MANSC4: variants seen among roughly 807,000 people sequenced by gnomAD.
The protein encoded by MANSC4 is MANSC domain containing 4, also known as MANSC domain-containing protein 4.
Under a neutral mutation model 11.4 loss-of-function variants are expected in MANSC4, and 11 were observed. That is an observed-to-expected ratio of 0.97 (90% confidence interval 0.61 to 1.60). MANSC4 has a LOEUF of 1.60. MANSC4 is among the 40% of genes most tolerant of loss of function. MANSC4 has a pLI of 0.00. For synonymous variants in MANSC4, 123 were observed against 147.1 expected, an observed-to-expected ratio of 0.84 and a Z score of 1.19; for missense variants, 354 against 404.6, an observed-to-expected ratio of 0.88 and a Z score of 1.07.
intron 1 of MANSC4, among the ~76,000 whole-genome samples, chr12:27,778,825 G>A (rs979398214): frequency 6.6e-6 from 1 of 152,098 alleles, no homozygotes; most frequent in African/African-American, 2.4e-5. Context: ...ATTATTTGGG[G>A]TGGGCCTTCT....
intron 3 of MANSC4, among the ~76,000 whole-genome samples, chr12:27,766,073 CTT>C (rs36071035): frequency 2.8e-5 from 4 of 143,330 alleles, no homozygotes; most frequent in African/African-American, 2.5e-5. Context: ...ACCACAGGAC[CTT>C]TTTTTTTTTT....
At chr12:27,763,438 C>G (rs2062057573) in intron 3 of MANSC4, 42 bp from the exon 4 acceptor site, 1 of 1,489,532 alleles carries the variant, frequency 6.7e-7, no homozygotes, top group Non-Finnish European at 8.9e-7. Flanking sequence ...TTTTTACTTT[C>G]AAAGCAAAAA....
chr12:27,777,851 G>A (rs962256403), intron 1 of MANSC4, among the ~76,000 whole-genome samples: 12 of 152,078 alleles, frequency 7.9e-5, no homozygotes, highest in Non-Finnish European at 1.3e-4. Context: ...ATCACTTGGG[G>A]TGGCAGGATC....
chr12:27,769,368 A>G (rs560219963), intron 2 of MANSC4, among the ~76,000 whole-genome samples: 13 of 152,334 alleles, frequency 8.5e-5, no homozygotes, highest in African/African-American at 2.9e-4. Context: ...TATGGCTTCC[A>G]GCTAAAAACT....
At chr12:27,778,081 C>T (rs931524206) in intron 1 of MANSC4, among the ~76,000 whole-genome samples, 2 of 151,760 alleles carry the variant, frequency 1.3e-5, no homozygotes, top group Non-Finnish European at 2.9e-5. Flanking sequence ...CAAAATTAGC[C>T]GGGTGTGGTG....
At chr12:27,777,880 G>A (rs1205144004) in intron 1 of MANSC4, among the ~76,000 whole-genome samples, 1 of 151,988 alleles carries the variant, frequency 6.6e-6, no homozygotes, top group Non-Finnish European at 1.5e-5. Context: ...CCAGGAGTTT[G>A]AGGTCTGTCT....
intron 1 of MANSC4, among the ~76,000 whole-genome samples, chr12:27,771,802 G>A (rs1285391971): frequency 1.3e-5 from 2 of 152,040 alleles, no homozygotes; most frequent in Admixed American, 1.3e-4. Context: ...AAATCATCTC[G>A]ATTTCTTTGA....
rs369127984 is a variant in MANSC4 at position 27,778,568 on chromosome 12, A to T, written c.-307+1642T>A. The stretch of plus-strand genomic sequence containing the variant: ...AGAAAGCTGAAGCTTGTAATAATAA[A>T]AAAAAAAACCAAACACATATTCTCT... On this transcript the variant is annotated intron_variant, in intron 1 of 3. Coordinates refer to ENST00000381273, the MANE Select transcript of MANSC4 (RefSeq NM_001146221.5). Among the ~76,000 whole-genome samples, 732 of 151,942 alleles carry T rather than the reference A, an allele frequency of 4.8e-3. 6 individuals are homozygous for T. Among genetic ancestry groups the T allele is most frequent in the African/African-American group, 0.016 (678 of 41,536 alleles).
intron 2 of MANSC4, among the ~76,000 whole-genome samples, chr12:27,768,574 TCTA>T (rs2062084895): frequency 6.6e-6 from 1 of 151,910 alleles, no homozygotes; most frequent in Admixed American, 6.6e-5. Flanking sequence ...CAACATAGAT[TCTA>T]CTTCTGCTGC....
intron 1 of MANSC4, among the ~76,000 whole-genome samples, chr12:27,775,146 T>C (rs1365884513): frequency 6.6e-6 from 1 of 152,148 alleles, no homozygotes; most frequent in East Asian, 1.9e-4. Flanking sequence ...GTCTGGGGAT[T>C]TGGTTATTAT....
intron 2 of MANSC4, among the ~76,000 whole-genome samples, chr12:27,767,687 A>G (rs774248066): frequency 6.6e-6 from 1 of 152,056 alleles, no homozygotes. Context: ...ACAAGAGCGA[A>G]ACTCCGTCTC....
intron 2 of MANSC4, among the ~76,000 whole-genome samples, chr12:27,768,418 AAAAAGAAAAAGAAAAAG>A (rs2062083893): frequency 8.5e-6 from 1 of 117,116 alleles, no homozygotes; most frequent in African/African-American, 3.0e-5. Flanking sequence ...AAAAAAAAAA[AAAAAGAAAAAGAAAAAG>A]AAAAAGAAAA....
chr12:27,767,336 C>T (rs1048053545), intron 2 of MANSC4, among the ~76,000 whole-genome samples: 1 of 152,144 alleles, frequency 6.6e-6, no homozygotes, highest in African/African-American at 2.4e-5. Flanking sequence ...TTCCATCCCA[C>T]ACAGGATATT....
chr12:27,778,300 A>G (rs1414315649), intron 1 of MANSC4, among the ~76,000 whole-genome samples: 1 of 152,096 alleles, frequency 6.6e-6, no homozygotes, highest in South Asian at 2.1e-4. Context: ...ATAATAATAA[A>G]CAAAGTAAAA....
intron 3 of MANSC4, 48 bp from the exon 4 acceptor site, chr12:27,763,444 A>G: frequency 6.7e-7 from 1 of 1,481,496 alleles, no homozygotes; most frequent in Non-Finnish European, 9.0e-7. Flanking sequence ...CTTTCAAAGC[A>G]AAAACCCTAA....
chr12:27,777,441 C>T (rs559742445), intron 1 of MANSC4, among the ~76,000 whole-genome samples: 1 of 152,272 alleles, frequency 6.6e-6, no homozygotes, highest in South Asian at 2.1e-4. Flanking sequence ...CAGCAAAATT[C>T]CCCAGCCTGA....
chr12:27,779,768 G>C (rs978368010), intron 1 of MANSC4: 1 of 152,202 alleles, frequency 6.6e-6, no homozygotes, highest in African/African-American at 2.4e-5. Context: ...GAGAGAAAAC[G>C]AATTTCTTCT....
rs1034442901 is a variant in MANSC4, at chr12:27,766,789, G to T, written c.240C>A (p.Asn80Lys). The change falls in exon 3 of 4, where the codon AAC (asparagine) becomes AAA (lysine). Residue 80 changes from asparagine to lysine, a missense_variant. Asn to Lys is a moderately conservative substitution (Grantham distance 94). Transcript: ENST00000381273. ...SCCLRKDVSC[N>K]LAVFYHSPIH... is the part of the protein sequence containing the mutation. ...TAGGACTGTGGTAGAAGACAGCCAG[G>T]TTACAGGAAACTGAAAGGGAAACAA... 1 of 1,550,668 alleles carries T rather than the reference G, an allele frequency of 6.4e-7. No homozygotes were observed. Among genetic ancestry groups the T allele is most frequent in the East Asian group, 2.4e-5 (1 of 40,922 alleles).
intron 1 of MANSC4, among the ~76,000 whole-genome samples, chr12:27,773,211 G>A (rs2062107337): frequency 6.6e-6 from 1 of 152,208 alleles, no homozygotes; most frequent in Non-Finnish European, 1.5e-5. Context: ...GCAGGGGCTG[G>A]TGCTATTAAG....
Sources: allele counts gnomAD v4.1 joint callset (sites outside exome capture counted in the v4.1 genomes callset), GRCh38; gene constraint gnomAD v4.1.1; transcripts MANE v1.5; gene names NCBI Gene and HGNC (gene_info 2026-07-23, HGNC 2026-07-21).